CCNYL1: variants seen among roughly 807,000 people sequenced by gnomAD.
CCNYL1 encodes cyclin-Y-like protein 1.
A neutral mutation model predicts 44.2 loss-of-function variants in CCNYL1; 16 were observed. That is an observed-to-expected ratio of 0.36 (90% CI 0.25 to 0.55). CCNYL1 has a LOEUF of 0.55. CCNYL1 is among the 20% of genes least tolerant of loss of function. The pLI is 0.85. For synonymous variants in CCNYL1, 159 were observed against 163.2 expected, an observed-to-expected ratio of 0.97 and a Z score of 0.20; for missense variants, 348 against 451.8, an observed-to-expected ratio of 0.77 and a Z score of 2.08.
chr2:207,720,320 G>A (rs968121275), intron 1 of CCNYL1, among the ~76,000 whole-genome samples: 1 of 149,988 alleles, frequency 6.7e-6, no homozygotes, highest in African/African-American at 2.5e-5. Context: ...CTTTTTTTCA[G>A]TTAATTAAGC....
intron 9 of CCNYL1, among the ~76,000 whole-genome samples, chr2:207,751,812 C>A (rs1160627723): frequency 1.3e-5 from 2 of 151,262 alleles, no homozygotes; most frequent in African/African-American, 4.9e-5. Context: ...TGAAATCGTG[C>A]CATTGCACTC....
chr2:207,747,645 T>G (rs1575224008), intron 8 of CCNYL1, among the ~76,000 whole-genome samples: 1 of 152,216 alleles, frequency 6.6e-6, no homozygotes, highest in South Asian at 2.1e-4. Context: ...ACCTCCCAGG[T>G]TCAAGCGATT....
chr2:207,726,712 A>G, intron 2 of CCNYL1, 130 bp from the exon 3 acceptor site: 1 of 585,972 alleles, frequency 1.7e-6, no homozygotes, highest in Non-Finnish European at 2.9e-6. Flanking sequence ...TAAATGATGA[A>G]TTTTGTTGGA....
Position 207,714,440 on chromosome 2 carries a change from G to A in CCNYL1, c.220+2324G>A, listed in dbSNP as rs930180393. ...GCCTCCTGAATAGCTGGGACCACGG[G>A]CGTGTGCCATCTTGCCTGGCTCCAT... On this transcript the variant is annotated intron_variant, in intron 1 of 9. Transcript: ENST00000295414. 7.8e-6 allele frequency: 3 copies of A among 383,920 alleles called. No individual in the cohort carries two copies. In the Admixed American group the frequency reaches 1.1e-4, roughly 14 times the overall value. The allele number at this position is 383,920 out of a possible 1,614,324, so 23.8% of individuals were successfully genotyped here.
intron 1 of CCNYL1, among the ~76,000 whole-genome samples, chr2:207,723,409 G>A (rs747942924): frequency 1.3e-5 from 2 of 152,154 alleles, no homozygotes; most frequent in South Asian, 2.1e-4. Flanking sequence ...ATCAATGTGC[G>A]TTTTGATTTT....
intron 9 of CCNYL1, 25 bp from the exon 10 acceptor site, chr2:207,753,562 GT>G (rs753583082): frequency 6.7e-7 from 1 of 1,499,692 alleles, no homozygotes; most frequent in African/African-American, 1.4e-5. Context: ...AATTGTACCT[GT>G]TTTCTATTTG....
At chr2:207,725,657 C>G (rs1009811105) in intron 2 of CCNYL1, among the ~76,000 whole-genome samples, 1 of 152,198 alleles carries the variant, frequency 6.6e-6, no homozygotes, top group Non-Finnish European at 1.5e-5. Flanking sequence ...AACTTTTAAG[C>G]TATTAACTTT....
chr2:207,727,622 A>G (rs932026979), intron 3 of CCNYL1, among the ~76,000 whole-genome samples: 7 of 152,108 alleles, frequency 4.6e-5, no homozygotes, highest in Non-Finnish European at 7.4e-5. Flanking sequence ...CATTTGCCAC[A>G]TGCCTATCAA....
intron 1 of CCNYL1, among the ~76,000 whole-genome samples, chr2:207,721,036 C>T (rs1182784531): frequency 1.3e-5 from 2 of 152,082 alleles, no homozygotes; most frequent in African/African-American, 4.8e-5. Context: ...TAAGACTTAC[C>T]TGATGGGTGG....
At chr2:207,719,217 T>A (rs543683723) in intron 1 of CCNYL1, among the ~76,000 whole-genome samples, 10 of 152,224 alleles carry the variant, frequency 6.6e-5, no homozygotes, top group Admixed American at 2.0e-4. Context: ...GGCTTTCCAA[T>A]AAATGCTAAC....
At chr2:207,730,807 C>G (rs1559168009) in intron 3 of CCNYL1, among the ~76,000 whole-genome samples, 1 of 151,968 alleles carries the variant, frequency 6.6e-6, no homozygotes, top group African/African-American at 2.4e-5. Flanking sequence ...TAAAATAAAA[C>G]AAATGGAAAT....
chr2:207,741,239 T>G (rs1041397204), intron 6 of CCNYL1, among the ~76,000 whole-genome samples: 2 of 149,890 alleles, frequency 1.3e-5, no homozygotes, highest in African/African-American at 2.5e-5. Flanking sequence ...TGGGCGACAG[T>G]GAGACTCCAT....
chr2:207,718,317 G>T (rs2091613064), intron 1 of CCNYL1, among the ~76,000 whole-genome samples: 1 of 152,086 alleles, frequency 6.6e-6, no homozygotes, highest in Non-Finnish European at 1.5e-5. Context: ...GCTGGGACTA[G>T]CCTGGACAAC....
intron 3 of CCNYL1, among the ~76,000 whole-genome samples, chr2:207,731,721 T>G (rs2551958): frequency 0.99 from 150,011 of 151,794 alleles, 74,135 homozygotes; most frequent in Middle Eastern, 1. Context: ...AGAGATATAG[T>G]GATACTCTTG....
At position 207,711,908 on chromosome 2, in the gene CCNYL1, G is replaced by C; in HGVS notation, c.12G>C (p.Thr4=). The change falls in exon 1 of 10, where the codon ACG becomes ACC. Residue 4 remains threonine (T), a synonymous_variant. Coordinates refer to ENST00000295414, the MANE Select transcript of CCNYL1 (RefSeq NM_001330218.2). The part of the protein sequence containing the change: MGN[T]LTCCVSPNAS... Reference sequence around the variant, plus strand: ...AGCGGAGGCTTCCCATGGGGAACACGCTGACCTGTTGCGTGTCCCCCAATG... The same window carrying C: ...AGCGGAGGCTTCCCATGGGGAACACCCTGACCTGTTGCGTGTCCCCCAATG... 7.2e-7 allele frequency: 1 copy of C among 1,398,542 alleles called. No individual in the cohort carries two copies. The highest frequency in any genetic ancestry group is 9.3e-7 in the Non-Finnish European group (1 of 1,074,326). 86.6% of individuals were successfully genotyped at this position (1,398,542 alleles called of 1,614,324 possible). A position where few individuals can be genotyped will look rare whatever the true frequency, so the allele number is the denominator to read the frequency against.
At chr2:207,717,586 A>G (rs1029910176) in intron 1 of CCNYL1, among the ~76,000 whole-genome samples, 1 of 152,160 alleles carries the variant, frequency 6.6e-6, no homozygotes, top group East Asian at 1.9e-4. Flanking sequence ...GGACAGTTAC[A>G]TGGGGGTTGT....
intron 3 of CCNYL1, among the ~76,000 whole-genome samples, chr2:207,728,437 A>G (rs887265373): frequency 6.6e-6 from 1 of 151,930 alleles, no homozygotes; most frequent in Admixed American, 6.5e-5. Context: ...CACTATGTCC[A>G]GCTAATTTTT....
chr2:207,729,261 CCCCCA>C (rs1406866446), intron 3 of CCNYL1, among the ~76,000 whole-genome samples: 1 of 87,854 alleles, frequency 1.1e-5, no homozygotes, highest in African/African-American at 6.3e-5. Context: ...CCCCCCCCCG[CCCCCA>C]CCCCACCCCC....
At chr2:207,744,320 C>T (rs111597686) in intron 7 of CCNYL1, among the ~76,000 whole-genome samples, 1 of 151,604 alleles carries the variant, frequency 6.6e-6, no homozygotes, top group African/African-American at 2.4e-5. Context: ...GTTGAGGTCA[C>T]ATAGGGCCTT....
Sources: gnomAD v4.1 joint callset for allele counts (sites outside exome capture counted in the v4.1 genomes callset) on GRCh38, gnomAD v4.1.1 for gene constraint, MANE v1.5 for transcripts, NCBI Gene and HGNC (gene_info 2026-07-23, HGNC 2026-07-21) for gene names.